Variants in LPAR5 observed in about 807,000 individuals in gnomAD.
The protein encoded by LPAR5 is G protein-coupled receptor 92.
For synonymous variants in LPAR5, 271 were observed against 261.6 expected, an observed-to-expected ratio of 1.04 and a Z score of -0.35; for missense variants, 544 against 521.8, an observed-to-expected ratio of 1.04 and a Z score of -0.41.
At chr12:6,625,191 C>T (rs560521457) in intron 1 of LPAR5, among the ~76,000 whole-genome samples, 5 of 151,702 alleles carry the variant, frequency 3.3e-5, no homozygotes, top group East Asian at 2.0e-4. Context: ...TTTGGGAGGC[C>T]GAGGCAGGCG....
In LPAR5 at chr12:6,620,417, C is replaced by T; in HGVS notation, c.832G>A (p.Val278Met). The T allele has an allele frequency of 5.0e-6, 8 of 1,609,192 alleles. No homozygotes were observed. The highest frequency in any genetic ancestry group is 6.8e-6 in the Non-Finnish European group (8 of 1,178,218). Residue 278 changes from valine (V) to methionine (M), a missense_variant, in exon 2 of 2, where the codon GTG becomes ATG. Val to Met is a conservative substitution (Grantham distance 21). Coordinates refer to ENST00000329858, the MANE Select transcript of LPAR5 (RefSeq NM_020400.6). The surrounding 1 kb of genome is among the most constrained non-coding windows in gnomAD (Gnocchi z 6.8). ...GCCAGCAGCACCATCACCATCAGCA[C>T]CCCGCGCACGCGATCGCGGGCAGGC... ...SVPARDRVRG[V>M]LMVMVLLAGA...
At position 6,619,772 on chromosome 12, in the gene LPAR5, G is replaced by A. The variant is rs1948871240; in HGVS notation, c.*358C>T. On this transcript the variant is annotated 3_prime_UTR_variant, in exon 2 of 2. Coordinates refer to ENST00000329858, the MANE Select transcript of LPAR5 (RefSeq NM_020400.6). ...CTTCAGCTCTCAGGCCCCTGTGGCGGTTTAGATCCAGAATGCCCATTTTCT... is the reference window on the plus strand; with the variant it reads ...CTTCAGCTCTCAGGCCCCTGTGGCGATTTAGATCCAGAATGCCCATTTTCT... The A allele has an allele frequency of 5.0e-6, 2 of 402,110 alleles. No individual in the cohort carries two copies. Among genetic ancestry groups the A allele is most frequent in the South Asian group, 4.0e-5 (2 of 49,514 alleles). 24.9% of individuals were successfully genotyped at this position (402,110 alleles called of 1,614,324 possible).
chr12:6,632,223 G>A (rs961155194), intron 1 of LPAR5, among the ~76,000 whole-genome samples: 12 of 151,972 alleles, frequency 7.9e-5, no homozygotes, highest in African/African-American at 2.2e-4. Context: ...TGCCTGCCTC[G>A]GCCACCCAAA....
At position 6,620,842 on chromosome 12, in the gene LPAR5, C is replaced by T. The variant is rs765681682; in HGVS notation, c.407G>A (p.Arg136His). The stretch of plus-strand genomic sequence containing the variant: ...GCCCAGGCAGAGCAGCCGCGCCACG[C>T]GGGGCCGCCGCAGGTGGCGCAGTCG... ...PLRLRHLRRP[R>H]VARLLCLGVW... The change falls in exon 2 of 2, where the codon CGC becomes CAC. Residue 136 changes from arginine (R) to histidine (H), a missense_variant. Transcript: ENST00000329858. The surrounding 1 kb of genome is among the most constrained non-coding windows in gnomAD (Gnocchi z 6.8). 1.3e-5 allele frequency: 21 copies of T among 1,560,448 alleles called. No homozygotes were observed. The highest frequency in any genetic ancestry group is 9.5e-5 in the East Asian group (4 of 42,066).
Position 6,621,306 on chromosome 12 carries a change from T to G in LPAR5, c.-58A>C, listed in dbSNP as rs1948894468. ...GATGCCATGGAGCACACCAGAATCA[T>G]GGCATGGCATTCACCTCCGGGGCTG... On this transcript the variant is annotated 5_prime_UTR_variant, in exon 2 of 2. It removes an upstream start codon present in the reference 5' UTR. Coordinates refer to ENST00000329858, the MANE Select transcript of LPAR5 (RefSeq NM_020400.6). 1 of 1,425,740 alleles carries G rather than the reference T, an allele frequency of 7.0e-7. No homozygotes were observed. Among genetic ancestry groups the G allele is most frequent in the African/African-American group, 1.5e-5 (1 of 68,524 alleles). 88.3% of individuals were successfully genotyped at this position (1,425,740 alleles called of 1,614,324 possible).
At chr12:6,628,095 C>T (rs1278716286) in intron 1 of LPAR5, among the ~76,000 whole-genome samples, 44 of 147,004 alleles carry the variant, frequency 3.0e-4, no homozygotes, top group Non-Finnish European at 5.6e-4. Flanking sequence ...AATCTGGGCT[C>T]ACTGCAAGCT....
intron 1 of LPAR5, 93 bp downstream of exon 1, chr12:6,635,814 C>T (rs909801215): frequency 6.6e-6 from 1 of 152,454 alleles, no homozygotes; most frequent in Non-Finnish European, 1.5e-5. Context: ...CCATGCCCAC[C>T]CTCTTCTCTG....
Position 6,620,364 on chromosome 12 carries a change from C to G in LPAR5, c.885G>C (p.Leu295=), listed in dbSNP as rs1053169670. 2 of 1,611,652 alleles carry G rather than the reference C, an allele frequency of 1.2e-6. No homozygotes were observed. The highest frequency in any genetic ancestry group is 2.7e-5 in the African/African-American group (2 of 75,038). Residue 295 remains leucine, a synonymous_variant, in exon 2 of 2, where the codon CTG becomes CTC. Coordinates refer to ENST00000329858, the MANE Select transcript of LPAR5 (RefSeq NM_020400.6). This position sits in a 1 kb window ranked among gnomAD's most constrained non-coding sequence, Gnocchi z 6.8. ...AGCCCTCGGCGCTAAAGTAGTACAC[C>G]AGCGGGTCCAGCACGCAGTTGGCGC... The part of the protein sequence containing the change: ...LAGANCVLDP[L]VYYFSAEGFR...
At chr12:6,627,320 G>A (rs974998035) in intron 1 of LPAR5, among the ~76,000 whole-genome samples, 5 of 152,052 alleles carry the variant, frequency 3.3e-5, no homozygotes, top group Admixed American at 2.6e-4. Context: ...GACCGGGAAT[G>A]GTGGCTCACG....
intron 1 of LPAR5, among the ~76,000 whole-genome samples, chr12:6,627,703 C>T (rs1337207664): frequency 6.6e-6 from 1 of 152,178 alleles, no homozygotes; most frequent in Non-Finnish European, 1.5e-5. Context: ...ATTTCCCCAA[C>T]TAGATGGTAA....
rs547507157 is a variant in LPAR5 at position 6,628,702 on chromosome 12, C to T, written c.-217+7205G>A. ...GACTGGAGTGCAATGGCACGATCTC[C>T]GCTCACCGCAACCTCTGCCTCCCAG... On this transcript the variant is annotated intron_variant, in intron 1 of 1. Transcript: ENST00000329858. 6.2e-4 allele frequency among the ~76,000 whole-genome samples: 93 copies of T among 149,612 alleles called. 1 individual carries two copies. The South Asian group carries it at 0.018, about 29-fold the overall frequency.
At position 6,619,731 on chromosome 12, in the gene LPAR5, C is replaced by T. The variant is rs1247432072; in HGVS notation, c.*399G>A. On this transcript the variant is annotated 3_prime_UTR_variant, in exon 2 of 2. Transcript: ENST00000329858. ...GAACAGGCATCTCAGTAGCTTTGTCCACCAAACCTGGTGCTCTTCAGCTCT... is the reference window on the plus strand; with the variant it reads ...GAACAGGCATCTCAGTAGCTTTGTCTACCAAACCTGGTGCTCTTCAGCTCT... 1 of 367,730 alleles carries T rather than the reference C, an allele frequency of 2.7e-6. No homozygotes were observed. The highest frequency in any genetic ancestry group is 2.1e-5 in the African/African-American group (1 of 47,466). The allele number at this position is 367,730 out of a possible 1,614,324, so 22.8% of individuals were successfully genotyped here. A position where few individuals can be genotyped will look rare whatever the true frequency, so the allele number is the denominator to read the frequency against.
chr12:6,633,894 TTTC>T (rs1262274708), intron 1 of LPAR5, among the ~76,000 whole-genome samples: 1 of 152,102 alleles, frequency 6.6e-6, no homozygotes, highest in Non-Finnish European at 1.5e-5. Flanking sequence ...TGTGAGTAAG[TTTC>T]TGTCTCACCT....
intron 1 of LPAR5, among the ~76,000 whole-genome samples, chr12:6,629,755 G>A (rs948509136): frequency 9.9e-5 from 15 of 152,008 alleles, no homozygotes; most frequent in African/African-American, 3.4e-4. Flanking sequence ...GCGAAGTGAT[G>A]GCTCACACCT....
intron 1 of LPAR5, among the ~76,000 whole-genome samples, chr12:6,621,989 G>A (rs945930965): frequency 2.7e-5 from 4 of 150,458 alleles, no homozygotes; most frequent in South Asian, 2.1e-4. Flanking sequence ...TTAGCTGGGC[G>A]TGGTGGTGCA....
At chr12:6,629,888 G>A (rs889788470) in intron 1 of LPAR5, among the ~76,000 whole-genome samples, 1 of 150,254 alleles carries the variant, frequency 6.7e-6, no homozygotes, top group Non-Finnish European at 1.5e-5. Flanking sequence ...AGCCAGGCAT[G>A]GTGGCGGCAT....
Position 6,620,888 on chromosome 12 carries a change from C to T in LPAR5, c.361G>A (p.Ala121Thr), listed in dbSNP as rs755150987. ...AGTCGCAGCGGGTGCACGATGGCGG[C>T]GTAGCGGTCCACGTTGATGAGCATC... ...FLMLINVDRY[A>T]AIVHPLRLRH... Residue 121 changes from alanine (A) to threonine (T), a missense_variant, in exon 2 of 2, where the codon GCC (alanine) becomes ACC (threonine). Physicochemically the swap from Ala to Thr is moderately conservative, Grantham distance 58. Coordinates refer to ENST00000329858, the MANE Select transcript of LPAR5 (RefSeq NM_020400.6). The surrounding 1 kb of genome is among the most constrained non-coding windows in gnomAD (Gnocchi z 6.8). The T allele has an allele frequency of 1.3e-6, 2 of 1,578,656 alleles. No individual in the cohort carries two copies. Among genetic ancestry groups the T allele is most frequent in the South Asian group, 1.1e-5 (1 of 87,092 alleles).
At chr12:6,628,028 C>CTTTTTTTTTTTTTTTTTTTTTTTTTT (rs71067128) in intron 1 of LPAR5, among the ~76,000 whole-genome samples, 1 of 134,488 alleles carries the variant, frequency 7.4e-6, no homozygotes, top group Non-Finnish European at 1.6e-5. Context: ...TTTCTTTTTT[C>CTTTTTTTTTTTTTTTTTTTTTTTTTT]TTTTTTTTTT....
At chr12:6,622,645 G>A (rs1460903039) in intron 1 of LPAR5, among the ~76,000 whole-genome samples, 4 of 151,330 alleles carry the variant, frequency 2.6e-5, no homozygotes, top group Non-Finnish European at 4.4e-5. Context: ...CAGCTACTCA[G>A]GAGGCTGAGG....
Sources: allele counts gnomAD v4.1 joint callset (sites outside exome capture counted in the v4.1 genomes callset), GRCh38; gene constraint gnomAD v4.1.1; non-coding constraint Gnocchi (gnomAD v3.1); transcripts MANE v1.5; gene names NCBI Gene and HGNC (gene_info 2026-07-23, HGNC 2026-07-21).